Variants in LARP4 observed in about 807,000 individuals in gnomAD.
The protein encoded by LARP4 is La ribonucleoprotein 4.
A neutral mutation model predicts 92.9 loss-of-function variants in LARP4; 29 were observed. The ratio of observed to expected loss-of-function variants is 0.31; its 90% confidence interval spans 0.23 to 0.43. The LOEUF is 0.43. LARP4 is among the 20% of genes least tolerant of loss of function. LARP4 has a pLI of 1.00. For synonymous variants in LARP4, 279 were observed against 284.1 expected (o/e 0.98, Z 0.18); for missense variants, 732 against 860.0 (o/e 0.85, Z 1.86).
At chr12:50,416,002 C>A (rs1336069114) in intron 1 of LARP4, among the ~76,000 whole-genome samples, 2 of 152,152 alleles carry the variant, frequency 1.3e-5, no homozygotes, top group African/African-American at 4.8e-5. Flanking sequence ...CCACCGCCCC[C>A]ACCCTCCATG....
intron 13 of LARP4, among the ~76,000 whole-genome samples, chr12:50,467,761 G>A (rs7966009): frequency 0.97 from 147,503 of 152,280 alleles, 71,627 homozygotes; most frequent in East Asian, 1. Flanking sequence ...AGGCTGAGAT[G>A]CCTCATCTTA....
At chr12:50,470,672 G>A (rs986773249) in intron 13 of LARP4, among the ~76,000 whole-genome samples, 1 of 152,076 alleles carries the variant, frequency 6.6e-6, no homozygotes, top group African/African-American at 2.4e-5. Context: ...GACCTCAGGT[G>A]AGCCACCGTG....
chr12:50,443,158 A>AT (rs1353192853), intron 8 of LARP4, among the ~76,000 whole-genome samples: 3 of 152,136 alleles, frequency 2.0e-5, no homozygotes, highest in Non-Finnish European at 4.4e-5. Context: ...TCAACACTTA[A>AT]TTTTTTGTCA....
At chr12:50,428,039 A>G (rs1016109143) in intron 2 of LARP4, 130 bp downstream of exon 2, 26 of 556,340 alleles carry the variant, frequency 4.7e-5, no homozygotes, top group African/African-American at 7.3e-5. Context: ...TCTGTCACCC[A>G]GGCTGGAGTA....
chr12:50,406,138 A>G (rs2136258541), intron 1 of LARP4, among the ~76,000 whole-genome samples: 1 of 152,284 alleles, frequency 6.6e-6, no homozygotes, highest in South Asian at 2.1e-4. Context: ...GTTAAGTTTC[A>G]TACGACCTAG....
chr12:50,404,681 G>GTT (rs1162590362), intron 1 of LARP4, among the ~76,000 whole-genome samples: 137 of 67,334 alleles, frequency 2.0e-3, no homozygotes, highest in African/African-American at 4.7e-3. Context: ...GGTTCAAGCA[G>GTT]TTTTTTTTTT....
rs371970590 is a variant in LARP4 at position 50,454,266 on chromosome 12, G to A, written c.1018-48G>A. 55 of 1,438,608 alleles carry A rather than the reference G, an allele frequency of 3.8e-5. 1 individual carries two copies. In the South Asian group the frequency reaches 5.7e-4, roughly 15 times the overall value. 89.1% of individuals were successfully genotyped at this position (1,438,608 alleles called of 1,614,324 possible). ...TAAGGTTCTTGTGACCCTCACACCAGATTTTACCTTTGCCATTAATATTGT... is the reference window on the plus strand; with the variant it reads ...TAAGGTTCTTGTGACCCTCACACCAAATTTTACCTTTGCCATTAATATTGT... On this transcript the variant is annotated intron_variant, in intron 9 of 15. Transcript: ENST00000398473.
At chr12:50,455,240 G>A (rs890140196) in intron 10 of LARP4, among the ~76,000 whole-genome samples, 6 of 152,012 alleles carry the variant, frequency 3.9e-5, no homozygotes, top group African/African-American at 1.5e-4. Flanking sequence ...TTGTTGTTGT[G>A]GGGGTAGAGA....
chr12:50,465,229 G>A (rs367918220), intron 12 of LARP4, among the ~76,000 whole-genome samples: 2 of 151,924 alleles, frequency 1.3e-5, no homozygotes, highest in South Asian at 2.1e-4. Context: ...AAAATTAGCC[G>A]GGTATGGTGG....
At chr12:50,455,702 C>G (rs969228018) in intron 10 of LARP4, among the ~76,000 whole-genome samples, 2 of 152,138 alleles carry the variant, frequency 1.3e-5, no homozygotes, top group African/African-American at 4.8e-5. Context: ...GTGTACTACT[C>G]TTTAATAGTC....
intron 2 of LARP4, 77 bp from the exon 3 acceptor site, chr12:50,428,858 G>T: frequency 6.5e-6 from 7 of 1,073,782 alleles, no homozygotes; most frequent in Non-Finnish European, 9.2e-6. Flanking sequence ...CTTTTTATAG[G>T]TGACATACTG....
intron 11 of LARP4, 91 bp from the exon 12 acceptor site, chr12:50,462,490 AT>A (rs1955552207): frequency 1.2e-6 from 1 of 803,554 alleles, no homozygotes; most frequent in South Asian, 1.6e-5. Context: ...AAAAAAAAAA[AT>A]GTGTACGGCT....
intron 1 of LARP4, among the ~76,000 whole-genome samples, chr12:50,426,377 A>G (rs1948705690): frequency 6.6e-6 from 1 of 152,172 alleles, no homozygotes; most frequent in Non-Finnish European, 1.5e-5. Flanking sequence ...ACACACAAAT[A>G]AATTATGTGA....
At chr12:50,441,049 A>C (rs1951133469) in intron 7 of LARP4, among the ~76,000 whole-genome samples, 1 of 151,946 alleles carries the variant, frequency 6.6e-6, no homozygotes, top group Non-Finnish European at 1.5e-5. Context: ...ACACCCAGCT[A>C]ATTTTTTGTA....
intron 10 of LARP4, among the ~76,000 whole-genome samples, chr12:50,458,862 A>G (rs889489928): frequency 2.0e-5 from 3 of 152,226 alleles, no homozygotes; most frequent in Non-Finnish European, 2.9e-5. Flanking sequence ...TGGTTGGTTT[A>G]ACCACATTGC....
intron 1 of LARP4, among the ~76,000 whole-genome samples, chr12:50,424,450 T>C (rs1428842768): frequency 1.3e-5 from 2 of 151,608 alleles, no homozygotes; most frequent in Non-Finnish European, 2.9e-5. Context: ...CCACTGTCTA[T>C]GGGGTTCAAG....
At chr12:50,404,458 G>A (rs1944419265) in intron 1 of LARP4, among the ~76,000 whole-genome samples, 2 of 152,122 alleles carry the variant, frequency 1.3e-5, no homozygotes, top group South Asian at 2.1e-4. Context: ...GGGAGGCAGA[G>A]GCAGGAGTTT....
intron 1 of LARP4, among the ~76,000 whole-genome samples, chr12:50,404,110 C>T (rs1471844604): frequency 6.6e-6 from 1 of 152,072 alleles, no homozygotes; most frequent in African/African-American, 2.4e-5. Context: ...ACCTGTAATC[C>T]TAGCTACTCG....
Position 50,479,548 on chromosome 12 carries a change from G to C in LARP4, c.*3684G>C, listed in dbSNP as rs768624325. On this transcript the variant is annotated 3_prime_UTR_variant, in exon 16 of 16. Coordinates refer to ENST00000398473, the MANE Select transcript of LARP4 (RefSeq NM_052879.5). ...GAAAGAGAATTTATTTTCAAGTTGT[G>C]AGTAAATCCTCCTTTGAAATTCACC... is the stretch of plus-strand genomic sequence containing the variant. The C allele has an allele frequency of 2.6e-5, 4 of 152,156 alleles. No homozygotes were observed. The highest frequency in any genetic ancestry group is 5.9e-5 in the Non-Finnish European group (4 of 68,026). The allele number at this position is 152,156 out of a possible 1,614,324, so 9.4% of individuals were successfully genotyped here. A position where few individuals can be genotyped will look rare whatever the true frequency, so the allele number is the denominator to read the frequency against.
Sources: gnomAD v4.1 joint callset for allele counts (sites outside exome capture counted in the v4.1 genomes callset) on GRCh38, gnomAD v4.1.1 for gene constraint, MANE v1.5 for transcripts, NCBI Gene and HGNC (gene_info 2026-07-23, HGNC 2026-07-21) for gene names.